The following DLG2 variants were observed in gnomAD, a reference collection of about 807,000 sequenced individuals.
DLG2 encodes disks large homolog 2.
Under a neutral mutation model 132.5 loss-of-function variants are expected in DLG2, and 45 were observed. The ratio of observed to expected loss-of-function variants is 0.34; its 90% CI spans 0.27 to 0.44. DLG2 has a LOEUF of 0.44. DLG2 is among the 20% of genes least tolerant of loss of function. DLG2 has a pLI of 1.00. For synonymous variants in DLG2, 424 were observed against 419.6 expected, an observed-to-expected ratio of 1.01 and a Z score of -0.13; for missense variants, 1,045 against 1,196.9, an observed-to-expected ratio of 0.87 and a Z score of 1.87.
chr11:83,679,768 T>C (rs1018614976), intron 18 of DLG2, among the ~76,000 whole-genome samples: 1 of 152,160 alleles, frequency 6.6e-6, no homozygotes, highest in Non-Finnish European at 1.5e-5. Flanking sequence ...ACCTACATCA[T>C]CAATTTGGTT....
At chr11:85,136,798 C>A (rs1050601501) in intron 5 of DLG2, among the ~76,000 whole-genome samples, 1 of 152,088 alleles carries the variant, frequency 6.6e-6, no homozygotes, top group African/African-American at 2.4e-5. Context: ...AGAATCTAAG[C>A]CCCTTGAGGG....
At chr11:84,087,096 T>C (rs893950490) in intron 10 of DLG2, among the ~76,000 whole-genome samples, 12 of 152,348 alleles carry the variant, frequency 7.9e-5, no homozygotes, top group Admixed American at 1.3e-4. Context: ...TTGGCTGTTA[T>C]GCATAATGGT....
intron 6 of DLG2, among the ~76,000 whole-genome samples, chr11:84,613,892 C>T (rs191941711): frequency 1.3e-3 from 196 of 152,196 alleles, no homozygotes; most frequent in African/African-American, 4.6e-3. Context: ...ATATGGTCAC[C>T]AAGTTGGAGG....
intron 6 of DLG2, among the ~76,000 whole-genome samples, chr11:84,820,737 T>TC (rs1182226504): frequency 6.6e-6 from 1 of 151,754 alleles, no homozygotes; most frequent in Non-Finnish European, 1.5e-5. Context: ...ACCTTTTTTT[T>TC]TTTGAGAAGC....
intron 15 of DLG2, among the ~76,000 whole-genome samples, chr11:83,882,341 A>C (rs1481639531): frequency 5.3e-5 from 8 of 152,226 alleles, no homozygotes; most frequent in Non-Finnish European, 1.0e-4. Context: ...AGAAATGCAA[A>C]GTGTAAGATT....
chr11:85,065,464 T>A (rs1428136006), intron 6 of DLG2, among the ~76,000 whole-genome samples: 1 of 151,614 alleles, frequency 6.6e-6, no homozygotes, highest in Non-Finnish European at 1.5e-5. Context: ...GGTATAATGA[T>A]TTCCCCAAGT....
At chr11:84,060,789 G>A (rs575118300) in intron 10 of DLG2, among the ~76,000 whole-genome samples, 37 of 151,948 alleles carry the variant, frequency 2.4e-4, no homozygotes, top group Admixed American at 9.8e-4. Context: ...AAAAATGAGG[G>A]GCCTCCTTTG....
chr11:84,071,448 C>T (rs1021281328), intron 10 of DLG2, among the ~76,000 whole-genome samples: 3 of 152,004 alleles, frequency 2.0e-5, no homozygotes, highest in African/African-American at 7.2e-5. Flanking sequence ...CTCTGTGGCC[C>T]AGGTTGAAGT....
intron 18 of DLG2, among the ~76,000 whole-genome samples, chr11:83,668,918 C>T (rs1157782625): frequency 6.7e-6 from 1 of 148,960 alleles, no homozygotes; most frequent in African/African-American, 2.5e-5. Context: ...AACAGTTATT[C>T]GCTCAGCACC....
intron 6 of DLG2, among the ~76,000 whole-genome samples, chr11:84,884,817 A>C (rs1171443453): frequency 1.3e-5 from 2 of 152,122 alleles, no homozygotes; most frequent in African/African-American, 4.8e-5. Context: ...TAAATGAAAA[A>C]TTACAACAAT....
intron 14 of DLG2, among the ~76,000 whole-genome samples, chr11:83,935,644 G>A (rs985319965): frequency 6.6e-6 from 1 of 152,086 alleles, no homozygotes; most frequent in Non-Finnish European, 1.5e-5. Flanking sequence ...GAATTTCCAC[G>A]GGGGCAGTTG....
chr11:84,310,602 A>G (rs1370971843), intron 7 of DLG2, among the ~76,000 whole-genome samples: 1 of 152,222 alleles, frequency 6.6e-6, no homozygotes, highest in Non-Finnish European at 1.5e-5. Context: ...CATCTGCCAC[A>G]GGAATACTTA....
At chr11:84,858,033 C>G (rs1245457620) in intron 6 of DLG2, among the ~76,000 whole-genome samples, 2 of 151,820 alleles carry the variant, frequency 1.3e-5, no homozygotes, top group Non-Finnish European at 2.9e-5. Context: ...GCTGGGACCA[C>G]AGGTACATGC....
chr11:85,479,672 T>A (rs1174887531), intron 3 of DLG2, among the ~76,000 whole-genome samples: 1 of 152,176 alleles, frequency 6.6e-6, no homozygotes, highest in Non-Finnish European at 1.5e-5. Flanking sequence ...TGAATTGGTT[T>A]GCGAGAACTA....
intron 3 of DLG2, among the ~76,000 whole-genome samples, chr11:85,590,918 T>C (rs2153232041): frequency 6.6e-6 from 1 of 152,278 alleles, no homozygotes; most frequent in South Asian, 2.1e-4. Context: ...AAATCTCATA[T>C]GCACTCAAAA....
chr11:83,746,607 T>G (rs561028184), intron 18 of DLG2, among the ~76,000 whole-genome samples: 130 of 152,046 alleles, frequency 8.6e-4, no homozygotes, highest in Middle Eastern at 6.8e-3. Context: ...GGGATAGCAT[T>G]AGGAGATATA....
chr11:84,985,942 C>G (rs372654825), intron 6 of DLG2, among the ~76,000 whole-genome samples: 1 of 118,148 alleles, frequency 8.5e-6, no homozygotes, highest in East Asian at 2.9e-4. Flanking sequence ...CAGTGTGCCA[C>G]GATTGCACCA....
intron 6 of DLG2, among the ~76,000 whole-genome samples, chr11:84,541,187 T>TAA (rs58292435): frequency 0.097 from 10,417 of 107,026 alleles, 474 homozygotes; most frequent in African/African-American, 0.18. Flanking sequence ...ACTTGAAGTA[T>TAA]TATAATAATA....
intron 8 of DLG2, among the ~76,000 whole-genome samples, chr11:84,213,837 G>GA (rs1265844629): frequency 1.9e-4 from 24 of 124,748 alleles, no homozygotes; most frequent in Non-Finnish European, 2.7e-4. Flanking sequence ...AAAAAAAAAA[G>GA]AAAAAAAAAA....
Sources: allele counts gnomAD v4.1 joint callset (sites outside exome capture counted in the v4.1 genomes callset), GRCh38; gene constraint gnomAD v4.1.1; transcripts MANE v1.5; gene names NCBI Gene and HGNC (gene_info 2026-07-23, HGNC 2026-07-21).